The following C16orf96 variants were observed in gnomAD, a reference collection of about 807,000 sequenced individuals.
The protein encoded by C16orf96 is uncharacterized protein C16orf96.
C16orf96 carries 108 observed loss-of-function variants against 103.6 expected under a neutral mutation model. That is an observed-to-expected ratio of 1.04 (90% confidence interval 0.89 to 1.22). C16orf96 has a LOEUF of 1.22. C16orf96 is among the 50% of genes most tolerant of loss of function. The probability of loss-of-function intolerance (pLI) is 0.00; values close to 1 mark genes in which losing one functional copy is unlikely to be tolerated. For missense variants in C16orf96, 1,586 were observed against 1,464.2 expected (o/e 1.08, Z -1.36); for synonymous variants, 566 against 593.5 (o/e 0.95, Z 0.67).
At chr16:4,542,114 G>T in the C16orf96 span, among the ~76,000 whole-genome samples, 2 of 152,224 alleles carry the variant, frequency 1.3e-5, no homozygotes, top group East Asian at 3.8e-4. Context: ...GCTCACACCT[G>T]TAATACCAAC....
chr16:4,570,882 G>T (rs1224539859), intron 1 of C16orf96, among the ~76,000 whole-genome samples: 3 of 152,140 alleles, frequency 2.0e-5, no homozygotes, highest in African/African-American at 7.2e-5. Context: ...AGGAGCCCGA[G>T]AGATCCTTTA....
intron 15 of C16orf96, 69 bp from the exon 16 acceptor site, chr16:4,600,031 C>A (rs1399605031): frequency 7.2e-7 from 1 of 1,385,544 alleles, no homozygotes; most frequent in Non-Finnish European, 9.9e-7. Flanking sequence ...GTGGGGATGG[C>A]CCCATCAGGC....
chr16:4,568,963 G>A (rs929693638), intron 1 of C16orf96, among the ~76,000 whole-genome samples: 1 of 151,180 alleles, frequency 6.6e-6, no homozygotes, highest in Admixed American at 6.6e-5. Context: ...TTGTTTTTTC[G>A]AGATGGAGTC....
intron 1 of C16orf96, among the ~76,000 whole-genome samples, chr16:4,565,051 G>A (rs747782724): frequency 2.0e-5 from 3 of 152,106 alleles, no homozygotes; most frequent in Admixed American, 6.6e-5. Flanking sequence ...ACATGTGACC[G>A]TGTGGACAAG....
chr16:4,547,025 A>G, the C16orf96 span, among the ~76,000 whole-genome samples: 1 of 152,154 alleles, frequency 6.6e-6, no homozygotes, highest in African/African-American at 2.4e-5. Flanking sequence ...CCTGGGCTCA[A>G]GCTATCCTCC....
intron 7 of C16orf96, among the ~76,000 whole-genome samples, chr16:4,584,180 C>T (rs1896859226): frequency 6.6e-6 from 1 of 151,996 alleles, no homozygotes; most frequent in South Asian, 2.1e-4. Context: ...ATGTGACTTA[C>T]ATGTAAGACT....
rs1224572640 is a variant in C16orf96 at position 4,599,283 on chromosome 16, G to T, written c.3128-1G>T. 3.2e-6 allele frequency: 5 copies of T among 1,551,398 alleles called. No homozygotes were observed. Among genetic ancestry groups the T allele is most frequent in the Admixed American group, 2.0e-5 (1 of 50,972 alleles). ...ACCTGTCTCTTTTCTTTTCTGCTAA[G>T]CTGTGAAGGCTCCATCTCCCCCGTC... On this transcript the variant is annotated splice_acceptor_variant, in intron 14 of 15. Coordinates refer to ENST00000444310, the MANE Select transcript of C16orf96 (RefSeq NM_001145011.2). LOFTEE classifies it high-confidence loss of function.
chr16:4,574,935 A>G (rs988386388), intron 3 of C16orf96, 37 bp from the exon 4 acceptor site: 1 of 1,543,766 alleles, frequency 6.5e-7, no homozygotes, highest in African/African-American at 1.4e-5. Flanking sequence ...TGCCCCCTCC[A>G]GGCTCACAGC....
rs540744410 is a variant in C16orf96, at chr16:4,584,147, G to A, written c.2353-2892G>A. Among the ~76,000 whole-genome samples, 5 of 152,190 alleles carry A rather than the reference G, an allele frequency of 3.3e-5. No homozygotes were observed. In the East Asian group the frequency reaches 7.7e-4, roughly 24 times the overall value. On this transcript the variant is annotated intron_variant, in intron 7 of 15. Transcript: ENST00000444310. ...AGGATGGGAGCAAGATCTCATGACT[G>A]TGTCTCTGTCTTGCTCTCCACCATG...
At chr16:4,574,603 G>T (rs368519759) in intron 2 of C16orf96, 106 bp from the exon 3 acceptor site, 51 of 858,912 alleles carry the variant, frequency 5.9e-5, no homozygotes, top group East Asian at 2.7e-4. Flanking sequence ...ACTGGATTTG[G>T]AACCCGTTCT....
the C16orf96 span, among the ~76,000 whole-genome samples, chr16:4,549,438 A>G: frequency 1.4e-5 from 2 of 146,868 alleles, no homozygotes; most frequent in Admixed American, 1.4e-4. Flanking sequence ...GCGCCACTGC[A>G]CTCCAGCCTG....
intron 1 of C16orf96, among the ~76,000 whole-genome samples, chr16:4,558,212 C>T (rs59368464): frequency 7.9e-4 from 120 of 152,344 alleles, no homozygotes; most frequent in African/African-American, 1.9e-3. Flanking sequence ...AAGGGAGCTG[C>T]GCGCTGAGGC....
At chr16:4,551,450 T>C (rs988912188), upstream of C16orf96, among the ~76,000 whole-genome samples, 4 of 152,026 alleles carry the variant, frequency 2.6e-5, no homozygotes, top group Admixed American at 1.3e-4. Flanking sequence ...TTCGGGACTT[T>C]TGTTTGTTTG....
the C16orf96 span, among the ~76,000 whole-genome samples, chr16:4,546,457 C>CTT: frequency 0.51 from 53,686 of 104,336 alleles, 16,885 homozygotes; most frequent in Non-Finnish European, 0.69. Flanking sequence ...CGCGCCCGGA[C>CTT]TTTTTTTTTT....
Position 4,575,870 on chromosome 16 carries a change from C to T in C16orf96, c.1390C>T (p.Pro464Ser). ...VQVKGEENDV[P>S]SLRGLRERAR... ...AGTAAAGGGGGAGGAAAATGATGTC[C>T]CCAGCCTAAGGGGCCTTCGGGAGAG... is the stretch of plus-strand genomic sequence containing the variant. The change falls in exon 5 of 16, where the codon CCC becomes TCC. Residue 464 changes from proline (P) to serine (S), a missense_variant. Coordinates refer to ENST00000444310, the MANE Select transcript of C16orf96 (RefSeq NM_001145011.2). 2 of 1,551,532 alleles carry T rather than the reference C, an allele frequency of 1.3e-6. No individual in the cohort carries two copies. Among genetic ancestry groups the T allele is most frequent in the South Asian group, 1.2e-5 (1 of 84,062 alleles).
At chr16:4,555,811 C>G (rs969652315), upstream of C16orf96, among the ~76,000 whole-genome samples, 3 of 151,922 alleles carry the variant, frequency 2.0e-5, no homozygotes, top group African/African-American at 7.3e-5. Context: ...ATCCTCCCAC[C>G]CCATCCTCCT....
At chr16:4,594,882 G>A in intron 14 of C16orf96, 79 bp downstream of exon 14, 3 of 1,439,940 alleles carry the variant, frequency 2.1e-6, no homozygotes, top group Non-Finnish European at 2.8e-6. Flanking sequence ...GTGCAGGTGG[G>A]GCCCAGAGCC....
chr16:4,543,798 C>A, the C16orf96 span, among the ~76,000 whole-genome samples: 3 of 151,880 alleles, frequency 2.0e-5, no homozygotes, highest in African/African-American at 4.8e-5. Context: ...CATACCATCA[C>A]AACTGGCTAA....
intron 3 of C16orf96, 32 bp downstream of exon 3, chr16:4,574,821 C>A: frequency 6.5e-7 from 1 of 1,544,768 alleles, no homozygotes; most frequent in South Asian, 1.2e-5. Context: ...TTCCCCCACT[C>A]CCCCTGGGAC....
Sources: allele counts gnomAD v4.1 joint callset (sites outside exome capture counted in the v4.1 genomes callset), GRCh38; gene constraint gnomAD v4.1.1; transcripts MANE v1.5; gene names NCBI Gene and HGNC (gene_info 2026-07-23, HGNC 2026-07-21).